The following CDH9 variants were observed in gnomAD, a reference collection of about 807,000 sequenced individuals.
The protein encoded by CDH9 is cadherin-9.
CDH9 carries 28 observed loss-of-function variants against 70.9 expected under a neutral mutation model. The ratio of observed to expected loss-of-function variants is 0.40; its 90% CI spans 0.29 to 0.54. CDH9 has a LOEUF of 0.54. Among genes scored for constraint, CDH9 ranks in the 20% least tolerant of loss-of-function variants. The pLI, the probability that CDH9 is intolerant of heterozygous loss-of-function variation, is 0.59. For missense variants in CDH9, 874 were observed against 984.4 expected (o/e 0.89, Z 1.50); for synonymous variants, 409 against 343.1 (o/e 1.19, Z -2.12).
intron 2 of CDH9, among the ~76,000 whole-genome samples, chr5:26,951,454 T>G (rs1741844941): frequency 6.6e-6 from 1 of 152,114 alleles, no homozygotes. Flanking sequence ...AGGGTTGCTT[T>G]TGATAATTAA....
At position 27,009,405 on chromosome 5, in the gene CDH9, A is replaced by G. The variant is rs185677956; in HGVS notation, c.-49-21023T>C. ...ACACAATAAATGATTTACCTCTAAA[A>G]GGAGAAGAAAGAGAAACACATGGCA... On this transcript the variant is annotated intron_variant, in intron 1 of 11. Coordinates refer to ENST00000231021, the MANE Select transcript of CDH9 (RefSeq NM_016279.4). Among the ~76,000 whole-genome samples the G allele has an allele frequency of 3.9e-5, 6 of 152,300 alleles. No individual in the cohort carries two copies. In the East Asian group the frequency reaches 7.7e-4, roughly 20 times the overall value.
At chr5:26,965,563 G>A (rs1397508062) in intron 2 of CDH9, among the ~76,000 whole-genome samples, 4 of 137,908 alleles carry the variant, frequency 2.9e-5, no homozygotes, top group African/African-American at 5.6e-5. Context: ...ATGACAGAGT[G>A]AGACTCTGTC....
At chr5:27,035,770 T>A (rs2112140777) in intron 1 of CDH9, among the ~76,000 whole-genome samples, 1 of 151,572 alleles carries the variant, frequency 6.6e-6, no homozygotes, top group Admixed American at 6.6e-5. Flanking sequence ...CATTGGACAT[T>A]TTTTAAGATA....
At chr5:26,918,212 C>G (rs1561194627) in intron 2 of CDH9, among the ~76,000 whole-genome samples, 1 of 152,046 alleles carries the variant, frequency 6.6e-6, no homozygotes, top group Non-Finnish European at 1.5e-5. Flanking sequence ...GCATCTGTTT[C>G]CCTCACCTTT....
At chr5:26,963,923 G>GA (rs1475603715) in intron 2 of CDH9, among the ~76,000 whole-genome samples, 30 of 151,944 alleles carry the variant, frequency 2.0e-4, no homozygotes, top group Admixed American at 1.8e-3. Flanking sequence ...TATGATCTTA[G>GA]AAAAAACAAT....
Position 26,890,396 on chromosome 5 carries a change from A to G in CDH9, c.1390+32T>C, listed in dbSNP as rs1431777683. The G allele has an allele frequency of 2.5e-6, 4 of 1,596,410 alleles. No homozygotes were observed. The African/African-American group carries it at 5.4e-5, about 21-fold the overall frequency. On this transcript the variant is annotated intron_variant, in intron 8 of 11. Coordinates refer to ENST00000231021, the MANE Select transcript of CDH9 (RefSeq NM_016279.4). ...TTATTTTACCACTTTGATGAAAGACAGTGTCTTCGGGTAGATGTAGCTCCA... is the reference window on the plus strand; with the variant it reads ...TTATTTTACCACTTTGATGAAAGACGGTGTCTTCGGGTAGATGTAGCTCCA...
At chr5:27,021,372 A>G (rs750125833) in intron 1 of CDH9, among the ~76,000 whole-genome samples, 7 of 151,880 alleles carry the variant, frequency 4.6e-5, no homozygotes, top group Non-Finnish European at 8.8e-5. Context: ...TTCAACAATC[A>G]GAAAATAATA....
chr5:26,971,940 AATGG>A (rs1742226448), intron 2 of CDH9, among the ~76,000 whole-genome samples: 1 of 152,194 alleles, frequency 6.6e-6, no homozygotes, highest in African/African-American at 2.4e-5. Flanking sequence ...CATAGAATAA[AATGG>A]AAGGTATGAA....
intron 1 of CDH9, among the ~76,000 whole-genome samples, chr5:27,013,439 C>T (rs566647769): frequency 2.0e-5 from 3 of 152,078 alleles, no homozygotes; most frequent in East Asian, 3.9e-4. Flanking sequence ...TCACAAACAA[C>T]CCTAGGTCTC....
intron 2 of CDH9, among the ~76,000 whole-genome samples, chr5:26,925,434 A>C (rs1411009238): frequency 6.6e-6 from 1 of 152,102 alleles, no homozygotes; most frequent in African/African-American, 2.4e-5. Context: ...AGTTCTTTGT[A>C]GATTCTAGAT....
chr5:27,003,609 A>G (rs923202317), intron 1 of CDH9, among the ~76,000 whole-genome samples: 1 of 152,050 alleles, frequency 6.6e-6, no homozygotes, highest in East Asian at 1.9e-4. Context: ...ACAAAACAAA[A>G]CAAAACAAAC....
chr5:26,943,797 T>A (rs1741702062), intron 2 of CDH9, among the ~76,000 whole-genome samples: 1 of 152,142 alleles, frequency 6.6e-6, no homozygotes, highest in Non-Finnish European at 1.5e-5. Context: ...GACAATTAAA[T>A]CCCATTTAAG....
intron 2 of CDH9, among the ~76,000 whole-genome samples, chr5:26,955,147 C>T (rs1741925175): frequency 2.0e-5 from 3 of 152,214 alleles, no homozygotes; most frequent in African/African-American, 7.2e-5. Context: ...CTCAACTCTT[C>T]TTTTCCAGTT....
chr5:26,923,817 G>C (rs1190665146), intron 2 of CDH9, among the ~76,000 whole-genome samples: 6 of 151,908 alleles, frequency 3.9e-5, no homozygotes, highest in Non-Finnish European at 8.8e-5. Context: ...AATGATAAGT[G>C]GGTCAATGAA....
intron 1 of CDH9, among the ~76,000 whole-genome samples, chr5:27,018,009 A>AT (rs1248788181): frequency 4.0e-5 from 6 of 151,810 alleles, no homozygotes; most frequent in South Asian, 2.1e-4. Flanking sequence ...ATTAACTTTG[A>AT]TTTTTTTCTA....
intron 1 of CDH9, among the ~76,000 whole-genome samples, chr5:26,995,025 C>T (rs1264764108): frequency 6.6e-6 from 1 of 152,098 alleles, no homozygotes; most frequent in Non-Finnish European, 1.5e-5. Flanking sequence ...CCATTCATTT[C>T]CTTCACATGA....
chr5:26,994,428 G>T (rs142589111), intron 1 of CDH9, among the ~76,000 whole-genome samples: 1 of 152,206 alleles, frequency 6.6e-6, no homozygotes, highest in African/African-American at 2.4e-5. Flanking sequence ...AGATACCAAG[G>T]TTAGATTAGA....
chr5:26,931,734 A>G (rs376591556), intron 2 of CDH9, among the ~76,000 whole-genome samples: 17 of 152,198 alleles, frequency 1.1e-4, no homozygotes, highest in African/African-American at 4.1e-4. Flanking sequence ...ATATATGTAT[A>G]CGAAGTGTGT....
At chr5:27,001,590 T>G (rs1218348107) in intron 1 of CDH9, among the ~76,000 whole-genome samples, 1 of 152,130 alleles carries the variant, frequency 6.6e-6, no homozygotes, top group African/African-American at 2.4e-5. Context: ...TTTATAGATA[T>G]GTATATTTAC....
Sources: allele counts gnomAD v4.1 joint callset (sites outside exome capture counted in the v4.1 genomes callset), GRCh38; gene constraint gnomAD v4.1.1; transcripts MANE v1.5; gene names NCBI Gene and HGNC (gene_info 2026-07-23, HGNC 2026-07-21).